The following SAMMSON variants were observed in gnomAD, a reference collection of about 807,000 sequenced individuals.
SAMMSON encodes the protein long intergenic non-protein coding RNA 1212.
chr3:70,182,509 A>G (rs1201709498), intron 4 of SAMMSON, among the ~76,000 whole-genome samples: 1 of 152,154 alleles, frequency 6.6e-6, no homozygotes, highest in Non-Finnish European at 1.5e-5. Context: ...TTGGACGTAA[A>G]AGTAACAGAT....
chr3:70,226,737 T>TAAAA (rs369777217), intron 4 of SAMMSON, among the ~76,000 whole-genome samples: 73 of 121,408 alleles, frequency 6.0e-4, no homozygotes, highest in East Asian at 7.1e-4. Context: ...GACTCTGTCT[T>TAAAA]AAAAAAAAAA....
chr3:70,239,529 GA>G (rs36058392), intron 4 of SAMMSON, among the ~76,000 whole-genome samples: 49,605 of 151,968 alleles, frequency 0.33, 10,515 homozygotes, highest in Non-Finnish European at 0.47. Context: ...ACTTTCTAGG[GA>G]GTACATTACT....
chr3:70,130,095 C>T (rs902930144), intron 4 of SAMMSON, among the ~76,000 whole-genome samples: 2 of 152,068 alleles, frequency 1.3e-5, no homozygotes, highest in African/African-American at 4.8e-5. Context: ...TCTCCCATGC[C>T]CCCTCTTTAT....
In SAMMSON at chr3:70,333,777, A is replaced by C. The variant is rs551172169; in HGVS notation, n.740-20398A>C. Among the ~76,000 whole-genome samples the C allele has an allele frequency of 1.4e-3, 216 of 152,290 alleles. 1 individual carries two copies. Among genetic ancestry groups the C allele is most frequent in the African/African-American group, 4.9e-3 (204 of 41,558 alleles). ...TTAGTCCTGCTTAAACCCCTTTAAC[A>C]GTTTTCGGTTTCCATAGTAATGGTC... On this transcript the variant is annotated intron_variant and non_coding_transcript_variant, in intron 7 of 9. Transcript: ENST00000642114.
intron 2 of SAMMSON, among the ~76,000 whole-genome samples, chr3:70,398,545 T>C (rs1477511730): frequency 2.0e-5 from 3 of 152,222 alleles, no homozygotes; most frequent in Admixed American, 2.0e-4. Flanking sequence ...TTAACTAAAC[T>C]ATGTGTTTGA....
intron 4 of SAMMSON, among the ~76,000 whole-genome samples, chr3:70,081,479 A>G (rs2067268222): frequency 6.6e-6 from 1 of 152,168 alleles, no homozygotes; most frequent in Non-Finnish European, 1.5e-5. Context: ...CTTTCATCCT[A>G]ACAAGACTGT....
At chr3:70,121,718 C>T (rs1027817274) in intron 4 of SAMMSON, among the ~76,000 whole-genome samples, 1 of 152,172 alleles carries the variant, frequency 6.6e-6, no homozygotes, top group Non-Finnish European at 1.5e-5. Context: ...TCCTGAGCGT[C>T]CACTGTGTTT....
chr3:70,215,103 A>T (rs1701393580), intron 4 of SAMMSON, among the ~76,000 whole-genome samples: 1 of 152,138 alleles, frequency 6.6e-6, no homozygotes. Context: ...ATCACAATTT[A>T]TTCATCCGAA....
At chr3:70,360,596 G>A (rs1702864173) in intron 9 of SAMMSON, among the ~76,000 whole-genome samples, 1 of 152,080 alleles carries the variant, frequency 6.6e-6, no homozygotes, top group South Asian at 2.1e-4. Context: ...ATACTGATTT[G>A]AAAGGAAAAT....
At chr3:70,397,456 A>G (rs984702679) in intron 2 of SAMMSON, among the ~76,000 whole-genome samples, 3 of 152,122 alleles carry the variant, frequency 2.0e-5, no homozygotes, top group Non-Finnish European at 4.4e-5. Context: ...GGCACACGTC[A>G]CTATGCCTGG....
At chr3:70,080,832 G>T (rs1377184280) in intron 4 of SAMMSON, among the ~76,000 whole-genome samples, 1 of 152,002 alleles carries the variant, frequency 6.6e-6, no homozygotes, top group Non-Finnish European at 1.5e-5. Flanking sequence ...ATCCTTAGAA[G>T]TGTGAAAAAA....
chr3:70,118,591 G>T (rs2067421123), intron 4 of SAMMSON, among the ~76,000 whole-genome samples: 1 of 152,160 alleles, frequency 6.6e-6, no homozygotes, highest in Non-Finnish European at 1.5e-5. Context: ...CCTGCATTCT[G>T]TTCTGTAAAA....
intron 7 of SAMMSON, among the ~76,000 whole-genome samples, chr3:70,318,479 TGA>T (rs1230394446): frequency 1.3e-5 from 2 of 151,722 alleles, no homozygotes; most frequent in Non-Finnish European, 2.9e-5. Context: ...TGTGTGTGTG[TGA>T]GTGTGTGTGT....
At chr3:70,431,869 T>C (rs1272807107) in intron 2 of SAMMSON, among the ~76,000 whole-genome samples, 4 of 152,090 alleles carry the variant, frequency 2.6e-5, no homozygotes, top group African/African-American at 9.6e-5. Flanking sequence ...TTCTTTCGCT[T>C]AACAAAATAT....
chr3:70,267,432 T>G (rs1701926491), intron 6 of SAMMSON, among the ~76,000 whole-genome samples: 1 of 122,166 alleles, frequency 8.2e-6, no homozygotes, highest in African/African-American at 3.1e-5. Flanking sequence ...AGCGGGAGTC[T>G]CGCTCTGTCA....
chr3:70,350,211 A>G (rs899257761), intron 7 of SAMMSON, among the ~76,000 whole-genome samples: 2 of 152,180 alleles, frequency 1.3e-5, no homozygotes, highest in African/African-American at 4.8e-5. Context: ...TATTAATTGA[A>G]AATAATCTGT....
At chr3:70,207,223 C>T (rs1701299486) in intron 4 of SAMMSON, among the ~76,000 whole-genome samples, 1 of 151,952 alleles carries the variant, frequency 6.6e-6, no homozygotes, top group Non-Finnish European at 1.5e-5. Flanking sequence ...CACTTTATTA[C>T]TTTGTTTTTA....
chr3:70,256,186 G>C (rs1701814426), intron 6 of SAMMSON, among the ~76,000 whole-genome samples: 1 of 152,152 alleles, frequency 6.6e-6, no homozygotes, highest in Non-Finnish European at 1.5e-5. Flanking sequence ...TTTTTATTCA[G>C]AGGGAAACAT....
chr3:70,235,417 C>T (rs776210477), intron 4 of SAMMSON, among the ~76,000 whole-genome samples: 5 of 152,196 alleles, frequency 3.3e-5, no homozygotes, highest in Non-Finnish European at 5.9e-5. Context: ...TCCGTCTCCT[C>T]GCAAATTAAA....
Sources: allele counts gnomAD v4.1 joint callset (sites outside exome capture counted in the v4.1 genomes callset), GRCh38; gene constraint gnomAD v4.1.1; transcripts MANE v1.5; gene names NCBI Gene and HGNC (gene_info 2026-07-23, HGNC 2026-07-21).